COL22A1: variants seen among roughly 807,000 people sequenced by gnomAD.
The protein encoded by COL22A1 is collagen alpha-1(XXII) chain.
COL22A1 carries 221 observed loss-of-function variants against 248.9 expected under a neutral mutation model. The observed-to-expected ratio is 0.89, with a 90% CI of 0.80 to 0.99. COL22A1 has a LOEUF of 0.99. COL22A1 is among the 50% of genes least tolerant of loss of function. The pLI is 0.00. For synonymous variants in COL22A1, 891 were observed against 793.4 expected (o/e 1.12, Z -2.07); for missense variants, 2,240 against 2,179.0 (o/e 1.03, Z -0.56).
At chr8:138,670,672 C>A (rs2130765588) in intron 41 of COL22A1, among the ~76,000 whole-genome samples, 1 of 152,144 alleles carries the variant, frequency 6.6e-6, no homozygotes, top group Non-Finnish European at 1.5e-5. Context: ...TAAAAAGCCA[C>A]CGGTAGGCTG....
chr8:138,622,469 T>C (rs539445213), intron 52 of COL22A1, among the ~76,000 whole-genome samples: 1 of 152,370 alleles, frequency 6.6e-6, no homozygotes, highest in African/African-American at 2.4e-5. Context: ...TTAATCACTA[T>C]ATTTTAAATT....
intron 1 of COL22A1, 142 bp from the exon 2 acceptor site, chr8:138,883,386 T>C (rs1563884693): frequency 1.7e-6 from 1 of 580,710 alleles, no homozygotes; most frequent in African/African-American, 1.9e-5. Flanking sequence ...AGGCAGCGAA[T>C]GTGTGACCTT....
At chr8:138,690,112 G>C (rs1291113197) in intron 36 of COL22A1, among the ~76,000 whole-genome samples, 1 of 152,248 alleles carries the variant, frequency 6.6e-6, no homozygotes, top group African/African-American at 2.4e-5. Context: ...TGCCTGGCAT[G>C]TATAAAGGCT....
At chr8:138,765,707 G>A (rs1489597356) in intron 16 of COL22A1, among the ~76,000 whole-genome samples, 1 of 152,252 alleles carries the variant, frequency 6.6e-6, no homozygotes, top group Non-Finnish European at 1.5e-5. Context: ...CACGCCCAGA[G>A]AAAGAGAGAG....
At chr8:138,695,561 T>C (rs1361955251) in intron 32 of COL22A1, among the ~76,000 whole-genome samples, 1 of 151,648 alleles carries the variant, frequency 6.6e-6, no homozygotes, top group Admixed American at 6.6e-5. Context: ...ACCCAGACCT[T>C]TGGGGACAGA....
chr8:138,738,414 G>A (rs1033453876), intron 22 of COL22A1, among the ~76,000 whole-genome samples: 2 of 152,068 alleles, frequency 1.3e-5, no homozygotes, highest in Admixed American at 6.5e-5. Context: ...GCCCTTTTTG[G>A]CATTGTCCTG....
At chr8:138,804,577 C>T (rs954186154) in intron 10 of COL22A1, among the ~76,000 whole-genome samples, 9 of 152,204 alleles carry the variant, frequency 5.9e-5, no homozygotes, top group African/African-American at 9.6e-5. Context: ...CTCAGAGGAG[C>T]TCGGTGATGC....
At chr8:138,725,980 G>A (rs933743800) in intron 23 of COL22A1, among the ~76,000 whole-genome samples, 7 of 152,170 alleles carry the variant, frequency 4.6e-5, no homozygotes, top group African/African-American at 1.2e-4. Flanking sequence ...AGGTTCCCCC[G>A]TGATTCTATG....
intron 30 of COL22A1, among the ~76,000 whole-genome samples, chr8:138,704,072 G>T (rs1294313164): frequency 1.3e-5 from 2 of 152,216 alleles, no homozygotes; most frequent in African/African-American, 4.8e-5. Flanking sequence ...CAGCGAGGCT[G>T]GGGGAGGGGC....
At position 138,688,177 on chromosome 8, in the gene COL22A1, G is replaced by GT. The variant is rs33968286; in HGVS notation, c.2862+739dup. On this transcript the variant is annotated intron_variant, in intron 37 of 64. Coordinates refer to ENST00000303045, the MANE Select transcript of COL22A1 (RefSeq NM_152888.3). ...GTAGATTCTCCTTCTTGGCCTCTGG[G>GT]TTTTTTTTTTTTTTAATTGGTATGG... Among the ~76,000 whole-genome samples the GT allele has an allele frequency of 3.8e-3, 566 of 148,004 alleles. 7 individuals carry two copies. Among genetic ancestry groups the GT allele is most frequent in the African/African-American group, 0.013 (534 of 40,240 alleles).
At chr8:138,654,050 G>C (rs375171302) in intron 45 of COL22A1, among the ~76,000 whole-genome samples, 1 of 152,158 alleles carries the variant, frequency 6.6e-6, no homozygotes, top group South Asian at 2.1e-4. Context: ...ATATTGATTT[G>C]ACTAAATATC....
intron 39 of COL22A1, among the ~76,000 whole-genome samples, chr8:138,683,149 A>G (rs1447093768): frequency 2.0e-5 from 3 of 152,120 alleles, no homozygotes; most frequent in African/African-American, 4.8e-5. Flanking sequence ...CTGTTGACAT[A>G]TCTGTTTTCC....
intron 3 of COL22A1, among the ~76,000 whole-genome samples, chr8:138,867,261 C>T (rs773662035): frequency 2.0e-5 from 3 of 152,116 alleles, no homozygotes; most frequent in Non-Finnish European, 4.4e-5. Context: ...CCTTTGAATT[C>T]GATCAGGGAG....
intron 16 of COL22A1, among the ~76,000 whole-genome samples, chr8:138,765,063 T>A (rs1326578497): frequency 3.3e-5 from 5 of 152,152 alleles, no homozygotes; most frequent in Non-Finnish European, 5.9e-5. Context: ...TGATTCCACA[T>A]CTATCACTAT....
chr8:138,629,177 T>C (rs534260868), intron 50 of COL22A1, among the ~76,000 whole-genome samples: 26 of 146,050 alleles, frequency 1.8e-4, no homozygotes, highest in Admixed American at 1.4e-3. Context: ...ATCATTTGCA[T>C]ATGGAGTCTC....
rs73362890 is a variant in COL22A1, at chr8:138,799,525, C to G, written c.1558-2668G>C. On this transcript the variant is annotated intron_variant, in intron 11 of 64. Coordinates refer to ENST00000303045, the MANE Select transcript of COL22A1 (RefSeq NM_152888.3). ...CTTGGCTAGATTATTTTAATTAAGT[C>G]TATCCCCCTTCCCCAGTGTTCATCT... 6.2e-3 allele frequency among the ~76,000 whole-genome samples: 942 copies of G among 152,256 alleles called. 8 individuals are homozygous for G. The highest frequency in any genetic ancestry group is 0.022 in the African/African-American group (922 of 41,548).
chr8:138,649,143 G>A (rs1316608264), intron 46 of COL22A1, among the ~76,000 whole-genome samples: 1 of 152,218 alleles, frequency 6.6e-6, no homozygotes, highest in Admixed American at 6.5e-5. Context: ...GACAGACCAT[G>A]AACTCCTTTA....
chr8:138,720,624 G>A, intron 27 of COL22A1, 115 bp downstream of exon 27: 1 of 859,990 alleles, frequency 1.2e-6, no homozygotes, highest in South Asian at 1.4e-5. Context: ...TGTGTCTCCT[G>A]CCAGGTCCCA....
Position 138,778,231 on chromosome 8 carries a change from T to C in COL22A1, c.1758+122A>G, listed in dbSNP as rs538059970. The C allele has an allele frequency of 5.5e-5, 55 of 1,008,794 alleles. 2 individuals are homozygous for C. The highest frequency in any genetic ancestry group is 3.9e-4 in the South Asian group (29 of 74,700). The allele number at this position is 1,008,794 out of a possible 1,614,324, so 62.5% of individuals were successfully genotyped here. On this transcript the variant is annotated intron_variant, in intron 15 of 64. Coordinates refer to ENST00000303045, the MANE Select transcript of COL22A1 (RefSeq NM_152888.3). ...TAAGAAAGGAGATACCAACACTTCA[T>C]TGGCATCAGTAAGGCAAAACAGCAT...
Sources: allele counts gnomAD v4.1 joint callset (sites outside exome capture counted in the v4.1 genomes callset), GRCh38; gene constraint gnomAD v4.1.1; transcripts MANE v1.5; gene names NCBI Gene and HGNC (gene_info 2026-07-23, HGNC 2026-07-21).